The following RFX2 variants were observed in gnomAD, a reference collection of about 807,000 sequenced individuals.
RFX2 encodes the protein regulatory factor X2.
Under a neutral mutation model 87.8 loss-of-function variants are expected in RFX2, and 20 were observed. That is an observed-to-expected ratio of 0.23 (90% CI 0.16 to 0.33). The LOEUF (loss-of-function observed/expected upper bound fraction) is 0.33, where lower values mean the gene tolerates loss of function less well. Ranked by LOEUF, RFX2 falls within the 10% of genes least tolerant of loss-of-function variation. The pLI, the probability that RFX2 is intolerant of heterozygous loss-of-function variation, is 1.00. For missense variants in RFX2, 767 were observed against 1,012.3 expected, an observed-to-expected ratio of 0.76 and a Z score of 3.29; for synonymous variants, 397 against 431.3, an observed-to-expected ratio of 0.92 and a Z score of 0.98.
chr19:6,050,632 T>C lies in RFX2; in HGVS notation c.-8-3128A>G, dbSNP rs1051579031. Among the ~76,000 whole-genome samples the C allele has an allele frequency of 6.6e-6, 1 of 151,766 alleles. No homozygotes were observed. The highest frequency in any genetic ancestry group is 2.4e-5 in the African/African-American group (1 of 41,284). On this transcript the variant is annotated intron_variant, in intron 1 of 17. Coordinates refer to ENST00000303657, the MANE Select transcript of RFX2 (RefSeq NM_000635.4). The surrounding 1 kb of genome is among the most constrained non-coding windows in gnomAD (Gnocchi z 4.6). ...AAGAGTTAGTGAACTTAACAATAGA[T>C]AAAAAGCATTTACCCAATCTGAAGA...
intron 1 of RFX2, among the ~76,000 whole-genome samples, chr19:6,069,391 G>A (rs2087561031): frequency 6.6e-6 from 1 of 152,098 alleles, no homozygotes; most frequent in African/African-American, 2.4e-5. Flanking sequence ...GGCCATCAGT[G>A]TATAGATGAC....
At chr19:6,018,266 G>A (rs953274753) in intron 6 of RFX2, among the ~76,000 whole-genome samples, 6 of 152,160 alleles carry the variant, frequency 3.9e-5, no homozygotes, top group African/African-American at 1.2e-4. Flanking sequence ...CACCGCGCCC[G>A]GCCTTCATCT....
intron 6 of RFX2, among the ~76,000 whole-genome samples, chr19:6,019,306 C>T (rs1568509459): frequency 6.6e-6 from 1 of 152,136 alleles, no homozygotes; most frequent in African/African-American, 2.4e-5. Flanking sequence ...CACTTTCCAT[C>T]AAGTCATTCA....
Position 6,022,514 on chromosome 19 carries a change from C to A in RFX2, c.597+3649G>T, listed in dbSNP as rs577139. 0.016 allele frequency among the ~76,000 whole-genome samples: 2,384 copies of A among 152,312 alleles called. 50 individuals carry two copies. The highest frequency in any genetic ancestry group is 0.054 in the African/African-American group (2,238 of 41,566). ...GGTGAACCTGCTACGGGGTCCCGGTCGGCTGGTAGCCTGAGGGCAGCCCGG... is the reference window on the plus strand; with the variant it reads ...GGTGAACCTGCTACGGGGTCCCGGTAGGCTGGTAGCCTGAGGGCAGCCCGG... On this transcript the variant is annotated intron_variant, in intron 6 of 17. Transcript: ENST00000303657. The surrounding 1 kb of genome is among the most constrained non-coding windows in gnomAD (Gnocchi z 6.2).
intron 9 of RFX2, among the ~76,000 whole-genome samples, chr19:6,009,694 G>A (rs1051918557): frequency 2.0e-5 from 3 of 152,114 alleles, no homozygotes; most frequent in Non-Finnish European, 4.4e-5. Context: ...TGATCCTCCT[G>A]CCTCAGCCTC....
In RFX2 at chr19:6,011,406, G is replaced by A. The variant is rs915944361; in HGVS notation, c.900-1155C>T. Reference sequence around the variant, plus strand: ...ACCTCCCTCCTCAAATACGAAGCGGGGCCAGGCCTACAGGGAGGCGGGAGA... The same window carrying A: ...ACCTCCCTCCTCAAATACGAAGCGGAGCCAGGCCTACAGGGAGGCGGGAGA... On this transcript the variant is annotated intron_variant, in intron 8 of 17. Transcript: ENST00000303657. The surrounding 1 kb of genome is among the most constrained non-coding windows in gnomAD (Gnocchi z 4.8). Among the ~76,000 whole-genome samples, 1 of 152,136 alleles carries A rather than the reference G, an allele frequency of 6.6e-6. No individual in the cohort carries two copies. The highest frequency in any genetic ancestry group is 2.1e-4 in the South Asian group (1 of 4,834).
rs748902083 is a variant in RFX2 at position 6,023,866 on chromosome 19, G to A, written c.597+2297C>T. 3.3e-5 allele frequency among the ~76,000 whole-genome samples: 5 copies of A among 151,582 alleles called. No individual in the cohort carries two copies. The highest frequency in any genetic ancestry group is 5.9e-5 in the Non-Finnish European group (4 of 67,958). On this transcript the variant is annotated intron_variant, in intron 6 of 17. Transcript: ENST00000303657. The surrounding 1 kb of genome is among the most constrained non-coding windows in gnomAD (Gnocchi z 4.9). ...GCAATCTCAGCTCACTGCAACCTCC[G>A]TCTCCCAGGTTCAAGCGATTCTCCT...
rs1267722252 is a variant in RFX2, at chr19:6,005,404, C to T, written c.1403-1106G>A. ...TTTGTGGATGGACTGCGGGGCATGG[C>T]CTGTGGTCCTGATGCTGTGATTTAT... On this transcript the variant is annotated intron_variant, in intron 12 of 17. Transcript: ENST00000303657. Among the ~76,000 whole-genome samples, 5 of 152,334 alleles carry T rather than the reference C, an allele frequency of 3.3e-5. No individual in the cohort carries two copies. In the South Asian group the frequency reaches 1.0e-3, roughly 32 times the overall value.
At chr19:6,099,896 T>C (rs1416676439) in intron 1 of RFX2, among the ~76,000 whole-genome samples, 1 of 152,168 alleles carries the variant, frequency 6.6e-6, no homozygotes, top group Admixed American at 6.5e-5. Flanking sequence ...CAGTTGGTTG[T>C]CACCACTTGG....
chr19:6,085,821 G>A (rs1288149366), intron 1 of RFX2, among the ~76,000 whole-genome samples: 2 of 152,218 alleles, frequency 1.3e-5, no homozygotes, highest in African/African-American at 2.4e-5. Flanking sequence ...GCTGGGCACA[G>A]TGGCTCACGC....
chr19:5,995,529 G>A, intron 17 of RFX2, 72 bp downstream of exon 17: 1 of 1,439,604 alleles, frequency 6.9e-7, no homozygotes, highest in African/African-American at 1.4e-5. Flanking sequence ...CATGAGATGG[G>A]GCAGACAGGC....
rs779827412 is a variant in RFX2, at chr19:6,008,213, C to T, written c.1027G>A (p.Val343Ile). ...HHQQYIDVSH[V>I]FPEFPAPDLG... ...TCGGGCGCTGGGAACTCGGGGAAGA[C>T]GTGGGAGACATCTGGGGGAGGAACA... Residue 343 changes from valine (V) to isoleucine (I), a missense_variant, in exon 10 of 18, where the codon GTC becomes ATC. Physicochemically the swap from Val to Ile is conservative, Grantham distance 29 (BLOSUM62 3). Around this residue, in one of 2 missense-constraint regions of RFX2, gnomAD observed 621 missense variants for 873.0 expected, o/e 0.71. Transcript: ENST00000303657. The T allele has an allele frequency of 6.4e-6, 10 of 1,556,336 alleles. No individual in the cohort carries two copies. In the South Asian group the frequency reaches 8.3e-5, roughly 13 times the overall value.
At position 6,094,725 on chromosome 19, in the gene RFX2, G is replaced by A. The variant is rs140441481; in HGVS notation, c.-9+15668C>T. Among the ~76,000 whole-genome samples the A allele has an allele frequency of 8.5e-5, 13 of 152,190 alleles. No individual in the cohort carries two copies. In the East Asian group the frequency reaches 1.7e-3, roughly 20 times the overall value. On this transcript the variant is annotated intron_variant, in intron 1 of 17. Coordinates refer to ENST00000303657, the MANE Select transcript of RFX2 (RefSeq NM_000635.4). ...CACAAAAAAGAATGTGAAATATCTC[G>A]ACAATAATTTTTCATATAGGTTATA...
chr19:6,046,963 G>C (rs1244453963), intron 2 of RFX2, among the ~76,000 whole-genome samples: 2 of 150,202 alleles, frequency 1.3e-5, no homozygotes, highest in Non-Finnish European at 3.0e-5. Context: ...AAAGGGTCTG[G>C]CTATGTTGCC....
intron 1 of RFX2, among the ~76,000 whole-genome samples, chr19:6,103,210 T>G (rs2088156386): frequency 6.6e-6 from 1 of 152,182 alleles, no homozygotes; most frequent in Admixed American, 6.5e-5. Context: ...CAGGTGTAAA[T>G]GGACTGACAG....
intron 1 of RFX2, among the ~76,000 whole-genome samples, chr19:6,080,270 GAGA>G (rs1288015014): frequency 6.6e-6 from 1 of 151,908 alleles, no homozygotes; most frequent in Non-Finnish European, 1.5e-5. Context: ...GAGAGAGAGA[GAGA>G]AGGTGAGGTC....
intron 10 of RFX2, 78 bp downstream of exon 10, chr19:6,008,026 ACC>A (rs1431532678): frequency 1.8e-5 from 20 of 1,081,548 alleles, no homozygotes; most frequent in African/African-American, 3.1e-5. Flanking sequence ...CCTCAGCGTC[ACC>A]CGGGGACGCC....
intron 5 of RFX2, among the ~76,000 whole-genome samples, chr19:6,032,852 G>A (rs533880839): frequency 1.4e-4 from 22 of 152,168 alleles, no homozygotes; most frequent in African/African-American, 1.9e-4. Context: ...GCAGTGGCAC[G>A]ATCACAGCTC....
chr19:6,108,657 T>C (rs2088258341), intron 1 of RFX2, among the ~76,000 whole-genome samples: 1 of 152,068 alleles, frequency 6.6e-6, no homozygotes, highest in Non-Finnish European at 1.5e-5. Context: ...GGAAAATAAT[T>C]GCAGGGAGGC....
Sources: allele counts gnomAD v4.1 joint callset (sites outside exome capture counted in the v4.1 genomes callset), GRCh38; gene constraint gnomAD v4.1.1; regional missense constraint gnomAD v4.1.1; non-coding constraint Gnocchi (gnomAD v3.1); transcripts MANE v1.5; gene names NCBI Gene and HGNC (gene_info 2026-07-23, HGNC 2026-07-21).